The following ARHGEF26 variants were observed in gnomAD, a reference collection of about 807,000 sequenced individuals.
ARHGEF26 encodes Rho guanine nucleotide exchange factor (GEF) 26.
Under a neutral mutation model 89.4 loss-of-function variants are expected in ARHGEF26, and 59 were observed. That is an observed-to-expected ratio of 0.66 (90% CI 0.54 to 0.82). ARHGEF26 has a LOEUF of 0.82. Among genes scored for constraint, ARHGEF26 ranks in the 40% least tolerant of loss-of-function variants. The pLI is 0.00. For synonymous variants in ARHGEF26, 500 were observed against 428.4 expected, an observed-to-expected ratio of 1.17 and a Z score of -2.06; for missense variants, 1,234 against 1,085.6, an observed-to-expected ratio of 1.14 and a Z score of -1.92.
intron 10 of ARHGEF26, among the ~76,000 whole-genome samples, chr3:154,223,656 AAAGTAGATTAG>A (rs1559910601): frequency 6.6e-6 from 1 of 152,210 alleles, no homozygotes; most frequent in East Asian, 1.9e-4. Flanking sequence ...ATAGAGTTAG[AAAGTAGATTAG>A]TGGTTGCCAG....
chr3:154,255,180 T>C lies in ARHGEF26; in HGVS notation c.2474-151T>C, dbSNP rs1016115033. 63 of 767,402 alleles carry C rather than the reference T, an allele frequency of 8.2e-5. No homozygotes were observed. The East Asian group carries it at 1.6e-3, about 20-fold the overall frequency. 47.5% of individuals were successfully genotyped at this position (767,402 alleles called of 1,614,324 possible). A position where few individuals can be genotyped will look rare whatever the true frequency, so the allele number is the denominator to read the frequency against. ...GTTCTTTCCCTGCCATGTCATTCAT[T>C]CCCCCTCGAAAGCTTTCCCTGTCCC... On this transcript the variant is annotated intron_variant, in intron 14 of 14. Transcript: ENST00000465093.
intron 6 of ARHGEF26, among the ~76,000 whole-genome samples, chr3:154,154,621 A>G (rs1186066175): frequency 6.6e-6 from 1 of 152,034 alleles, no homozygotes; most frequent in African/African-American, 2.4e-5. Flanking sequence ...TAAAATAAGC[A>G]TATGCATATG....
At chr3:154,187,144 C>G in intron 6 of ARHGEF26, 1 of 726,696 alleles carries the variant, frequency 1.4e-6, no homozygotes, top group Non-Finnish European at 1.7e-6. Context: ...CCCGCTTCGG[C>G]CTCCCAGAGT....
intron 3 of ARHGEF26, among the ~76,000 whole-genome samples, chr3:154,125,239 C>A (rs1229728556): frequency 1.3e-5 from 2 of 152,180 alleles, no homozygotes; most frequent in African/African-American, 4.8e-5. Context: ...AATGTACAAT[C>A]ACCCAGAGTT....
chr3:154,149,350 T>C (rs1485131661), intron 4 of ARHGEF26, 39 bp from the exon 5 acceptor site: 2 of 1,549,692 alleles, frequency 1.3e-6, no homozygotes, highest in Non-Finnish European at 1.8e-6. Flanking sequence ...TTTTAAAGTA[T>C]TAATAAATGA....
At chr3:154,168,366 T>C (rs1712187509) in intron 6 of ARHGEF26, among the ~76,000 whole-genome samples, 1 of 151,974 alleles carries the variant, frequency 6.6e-6, no homozygotes, top group South Asian at 2.1e-4. Context: ...TGCTTGAGCT[T>C]TGGAGTTTGA....
At chr3:154,148,567 A>G (rs1719825868) in intron 4 of ARHGEF26, among the ~76,000 whole-genome samples, 1 of 151,984 alleles carries the variant, frequency 6.6e-6, no homozygotes. Flanking sequence ...TCTCCTTAAG[A>G]TTTTTTGGGT....
intron 9 of ARHGEF26, among the ~76,000 whole-genome samples, chr3:154,200,831 C>G (rs1225223241): frequency 6.6e-6 from 1 of 151,718 alleles, no homozygotes; most frequent in Non-Finnish European, 1.5e-5. Context: ...TTCCTAAGTA[C>G]TTAATTTTAC....
chr3:154,149,359 G>A (rs1472858942), intron 4 of ARHGEF26, 30 bp from the exon 5 acceptor site: 1 of 1,573,322 alleles, frequency 6.4e-7, no homozygotes, highest in Non-Finnish European at 8.7e-7. Context: ...ATTAATAAAT[G>A]AGTCAACTCT....
chr3:154,188,354 G>A (rs1713724450), intron 7 of ARHGEF26, among the ~76,000 whole-genome samples: 1 of 152,240 alleles, frequency 6.6e-6, no homozygotes, highest in Non-Finnish European at 1.5e-5. Context: ...CTGAAGGAAA[G>A]CAGTAGAAAA....
intron 6 of ARHGEF26, among the ~76,000 whole-genome samples, chr3:154,156,598 A>G (rs902764887): frequency 2.0e-5 from 3 of 152,308 alleles, no homozygotes; most frequent in Non-Finnish European, 2.9e-5. Context: ...AACTTACATT[A>G]CAAAAGTGTT....
chr3:154,257,010 AGT>A lies in ARHGEF26; in HGVS notation c.*1540_*1541del. The A allele has an allele frequency of 1.3e-6, 2 of 1,498,614 alleles. No individual in the cohort carries two copies. The highest frequency in any genetic ancestry group is 1.3e-5 in the South Asian group (1 of 76,470). The allele number at this position is 1,498,614 out of a possible 1,614,324, so 92.8% of individuals were successfully genotyped here. ...TTAACAAAGGGATAAAACCTGGCAA[AGT>A]GTACATTATTGGAGGACTCAAATCT... On this transcript the variant is annotated 3_prime_UTR_variant, in exon 15 of 15. Coordinates refer to ENST00000465093, the MANE Select transcript of ARHGEF26 (RefSeq NM_015595.4).
At chr3:154,232,830 GTTTC>G (rs1299547539) in intron 11 of ARHGEF26, among the ~76,000 whole-genome samples, 24 of 151,424 alleles carry the variant, frequency 1.6e-4, no homozygotes, top group Non-Finnish European at 2.1e-4. Context: ...GAGTGAGTGG[GTTTC>G]TTTCTTTCTT....
chr3:154,194,980 G>A (rs900739209), intron 9 of ARHGEF26, among the ~76,000 whole-genome samples: 7 of 152,232 alleles, frequency 4.6e-5, no homozygotes, highest in East Asian at 1.9e-4. Flanking sequence ...TTCATTTCTC[G>A]TTCAGTAAAT....
At chr3:154,126,453 T>C (rs1238421004) in intron 3 of ARHGEF26, among the ~76,000 whole-genome samples, 3 of 152,168 alleles carry the variant, frequency 2.0e-5, no homozygotes, top group Non-Finnish European at 4.4e-5. Context: ...ACCAGTCTGT[T>C]CTATGTTATG....
intron 9 of ARHGEF26, among the ~76,000 whole-genome samples, chr3:154,216,499 T>TA (rs1187980303): frequency 1.4e-4 from 4 of 28,806 alleles, no homozygotes; most frequent in African/African-American, 5.2e-4. Flanking sequence ...TTTATTTTTT[T>TA]TTATTTTTTA....
intron 5 of ARHGEF26, among the ~76,000 whole-genome samples, chr3:154,152,185 A>G (rs982912012): frequency 4.6e-5 from 7 of 152,232 alleles, no homozygotes; most frequent in Admixed American, 3.3e-4. Flanking sequence ...ATGAGTTTAT[A>G]TAAAAGAATT....
At chr3:154,201,808 A>C (rs1714660014) in intron 9 of ARHGEF26, among the ~76,000 whole-genome samples, 1 of 152,218 alleles carries the variant, frequency 6.6e-6, no homozygotes, top group Non-Finnish European at 1.5e-5. Context: ...TCTTCTTTTG[A>C]GAAGTATCTG....
chr3:154,208,075 T>TA (rs1418549278), intron 9 of ARHGEF26, among the ~76,000 whole-genome samples: 1 of 151,988 alleles, frequency 6.6e-6, no homozygotes, highest in East Asian at 1.9e-4. Context: ...GGAAACAACA[T>TA]ACACTGGGGC....
Sources: allele counts gnomAD v4.1 joint callset (sites outside exome capture counted in the v4.1 genomes callset), GRCh38; gene constraint gnomAD v4.1.1; transcripts MANE v1.5; gene names NCBI Gene and HGNC (gene_info 2026-07-23, HGNC 2026-07-21).